THSD4: variants seen among roughly 807,000 people sequenced by gnomAD.
The protein encoded by THSD4 is thrombospondin type 1 domain containing 4.
Under a neutral mutation model 119.0 loss-of-function variants are expected in THSD4, and 69 were observed. That is an observed-to-expected ratio of 0.58 (90% CI 0.48 to 0.71). THSD4 has a LOEUF of 0.71. Ranked by LOEUF, THSD4 falls within the 30% of genes least tolerant of loss-of-function variation. THSD4 has a pLI of 0.00. For missense variants in THSD4, 1,393 were observed against 1,391.1 expected (o/e 1.00, Z -0.02); for synonymous variants, 524 against 540.4 (o/e 0.97, Z 0.42).
intron 6 of THSD4, among the ~76,000 whole-genome samples, chr15:71,361,690 G>T (rs981829256): frequency 6.6e-6 from 1 of 152,184 alleles, no homozygotes. Context: ...AAATGCTCAT[G>T]ATCATCCATT....
intron 8 of THSD4, among the ~76,000 whole-genome samples, chr15:71,724,266 G>GATATAT (rs144736427): frequency 8.0e-5 from 6 of 74,602 alleles, no homozygotes; most frequent in African/African-American, 1.0e-4. Context: ...TCTATGATGG[G>GATATAT]ATATATATAT....
At chr15:71,111,654 C>T (rs190925037), upstream of THSD4, 7 of 571,116 alleles carry the variant, frequency 1.2e-5, no homozygotes, top group East Asian at 2.0e-4. Flanking sequence ...AACAATTTTA[C>T]AAGCATCGTG....
intron 7 of THSD4, among the ~76,000 whole-genome samples, chr15:71,539,692 C>T (rs2048732050): frequency 6.6e-6 from 1 of 152,266 alleles, no homozygotes; most frequent in South Asian, 2.1e-4. Flanking sequence ...CTGGGAATTT[C>T]TCCTCTGCGT....
At chr15:71,151,033 G>A (rs1376829284) in intron 2 of THSD4, among the ~76,000 whole-genome samples, 1 of 152,134 alleles carries the variant, frequency 6.6e-6, no homozygotes, top group Non-Finnish European at 1.5e-5. Context: ...TAAAGACATA[G>A]TATGTGAGAC....
intron 1 of THSD4, among the ~76,000 whole-genome samples, chr15:71,116,103 C>T (rs778587703): frequency 6.6e-6 from 1 of 152,236 alleles, no homozygotes; most frequent in Non-Finnish European, 1.5e-5. Flanking sequence ...CGCCCCCCAC[C>T]TCAGCCTCGC....
intron 8 of THSD4, among the ~76,000 whole-genome samples, chr15:71,690,424 A>C (rs998485119): frequency 3.3e-5 from 5 of 152,190 alleles, no homozygotes; most frequent in African/African-American, 1.2e-4. Context: ...AGTAGGAGCC[A>C]AGAGTCAGTA....
At chr15:71,721,368 A>G (rs945872176) in intron 8 of THSD4, among the ~76,000 whole-genome samples, 7 of 152,178 alleles carry the variant, frequency 4.6e-5, no homozygotes, top group Non-Finnish European at 7.4e-5. Context: ...TTAGCTGGGC[A>G]TGGTGACGCC....
chr15:71,431,544 A>G (rs550245757), intron 7 of THSD4, among the ~76,000 whole-genome samples: 1 of 152,330 alleles, frequency 6.6e-6, no homozygotes, highest in East Asian at 1.9e-4. Flanking sequence ...GCAATCGACA[A>G]GGTGTTCTGT....
intron 6 of THSD4, among the ~76,000 whole-genome samples, chr15:71,261,241 C>T (rs932409542): frequency 3.3e-5 from 5 of 152,040 alleles, no homozygotes. Flanking sequence ...AGGGGGAAGA[C>T]AGCCCATGTG....
intron 4 of THSD4, among the ~76,000 whole-genome samples, chr15:71,232,244 A>G (rs1233326414): frequency 2.0e-5 from 3 of 152,106 alleles, no homozygotes; most frequent in Non-Finnish European, 4.4e-5. Flanking sequence ...CTTCTTGCAT[A>G]TGGAAACTCC....
intron 7 of THSD4, among the ~76,000 whole-genome samples, chr15:71,579,235 T>C (rs2049514016): frequency 6.6e-6 from 1 of 152,220 alleles, no homozygotes; most frequent in Non-Finnish European, 1.5e-5. Flanking sequence ...GTGTTATTAC[T>C]TTACTTCTTT....
chr15:71,714,723 G>A (rs1473376621), intron 8 of THSD4, among the ~76,000 whole-genome samples: 1 of 152,034 alleles, frequency 6.6e-6, no homozygotes, highest in Admixed American at 6.6e-5. Flanking sequence ...ACGCATGCCT[G>A]TAATCCTAGC....
intron 7 of THSD4, among the ~76,000 whole-genome samples, chr15:71,648,687 A>C (rs1385284295): frequency 1.3e-5 from 2 of 152,176 alleles, no homozygotes; most frequent in Non-Finnish European, 2.9e-5. Flanking sequence ...TCATGTGAAA[A>C]GAAAGGGGGG....
At chr15:71,583,462 T>C (rs1198831526) in intron 7 of THSD4, among the ~76,000 whole-genome samples, 1 of 151,850 alleles carries the variant, frequency 6.6e-6, no homozygotes, top group African/African-American at 2.4e-5. Context: ...GGCTTTGTTT[T>C]TTTTTTCCTA....
At chr15:71,316,047 T>C (rs1010274365) in intron 6 of THSD4, among the ~76,000 whole-genome samples, 1 of 152,202 alleles carries the variant, frequency 6.6e-6, no homozygotes, top group Non-Finnish European at 1.5e-5. Context: ...TTGGGTTCAC[T>C]GGGTATGAGC....
intron 2 of THSD4, among the ~76,000 whole-genome samples, chr15:71,149,203 A>G (rs1056914175): frequency 6.6e-6 from 1 of 151,528 alleles, no homozygotes; most frequent in African/African-American, 2.4e-5. Context: ...TTGTCAGAAG[A>G]AGGCAGAGGG....
chr15:71,141,620 C>G, intron 2 of THSD4, 64 bp downstream of exon 2: 2 of 1,510,600 alleles, frequency 1.3e-6, no homozygotes, highest in Admixed American at 2.0e-5. Context: ...GCATTTTACT[C>G]TGTCATTTCT....
intron 6 of THSD4, among the ~76,000 whole-genome samples, chr15:71,303,480 A>G (rs1308038437): frequency 1.3e-5 from 2 of 152,252 alleles, no homozygotes; most frequent in Non-Finnish European, 1.5e-5. Flanking sequence ...AGCCAGTTCT[A>G]TGGAGAAAGC....
chr15:71,697,811 C>T (rs4777439), intron 8 of THSD4, among the ~76,000 whole-genome samples: 24,044 of 152,044 alleles, frequency 0.16, 2,137 homozygotes, highest in East Asian at 0.37. Context: ...TCATATCTTT[C>T]CAGTTACAAA....
Sources: gnomAD v4.1 joint callset for allele counts (sites outside exome capture counted in the v4.1 genomes callset) on GRCh38, gnomAD v4.1.1 for gene constraint, MANE v1.5 for transcripts, NCBI Gene and HGNC (gene_info 2026-07-23, HGNC 2026-07-21) for gene names.